Variants in COL25A1 observed in about 807,000 individuals in gnomAD.
COL25A1 encodes the protein collagen type XXV alpha 1 chain, also known as collagen alpha-1(XXV) chain.
In COL25A1, 103 loss-of-function variants were observed where a neutral mutation model predicts 128.4. The ratio of observed to expected loss-of-function variants is 0.80; its 90% CI spans 0.68 to 0.94. The LOEUF is 0.94. Among genes scored for constraint, COL25A1 ranks in the 40% least tolerant of loss-of-function variants. The probability of loss-of-function intolerance (pLI) is 0.00; values close to 1 mark genes in which losing one functional copy is unlikely to be tolerated. For missense variants in COL25A1, 745 were observed against 840.0 expected, an observed-to-expected ratio of 0.89 and a Z score of 1.40; for synonymous variants, 279 against 277.2, an observed-to-expected ratio of 1.01 and a Z score of -0.06.
intron 3 of COL25A1, among the ~76,000 whole-genome samples, chr4:109,202,578 T>A (rs1383087705): frequency 6.6e-6 from 1 of 152,048 alleles, no homozygotes; most frequent in Non-Finnish European, 1.5e-5. Context: ...GATACAAAAC[T>A]GAAAGCACTA....
At chr4:109,231,756 A>G (rs6817850) in intron 3 of COL25A1, among the ~76,000 whole-genome samples, 72,067 of 152,090 alleles carry the variant, frequency 0.47, 17,903 homozygotes, top group African/African-American at 0.57. Flanking sequence ...GGAAATGCGC[A>G]ACCTTGCAAT....
At chr4:108,961,959 TC>T (rs548753962) in intron 8 of COL25A1, among the ~76,000 whole-genome samples, 136 of 152,298 alleles carry the variant, frequency 8.9e-4, no homozygotes, top group African/African-American at 3.2e-3. Context: ...AGATTTTTCT[TC>T]CCCTGCCAAT....
At chr4:108,931,875 T>C (rs1289633525) in intron 11 of COL25A1, among the ~76,000 whole-genome samples, 1 of 152,206 alleles carries the variant, frequency 6.6e-6, no homozygotes, top group Non-Finnish European at 1.5e-5. Flanking sequence ...GCCATTTATA[T>C]GTACTTCATG....
At chr4:108,942,246 A>C in intron 8 of COL25A1, 9 of 1,550,310 alleles carry the variant, frequency 5.8e-6, no homozygotes, top group Non-Finnish European at 7.8e-6. Flanking sequence ...CAGGGCAGCA[A>C]CTGTGGGGAA....
At chr4:108,938,880 C>A (rs1471302463) in intron 10 of COL25A1, among the ~76,000 whole-genome samples, 1 of 152,076 alleles carries the variant, frequency 6.6e-6, no homozygotes, top group Non-Finnish European at 1.5e-5. Flanking sequence ...CTTTTTCTAG[C>A]AGTCATCATA....
intron 24 of COL25A1, among the ~76,000 whole-genome samples, chr4:108,858,513 G>C (rs1377428893): frequency 6.6e-6 from 1 of 152,114 alleles, no homozygotes; most frequent in Non-Finnish European, 1.5e-5. Context: ...CAGATTCATG[G>C]TATCACTAAC....
At chr4:108,851,950 A>G (rs1264253314) in intron 26 of COL25A1, among the ~76,000 whole-genome samples, 1 of 152,030 alleles carries the variant, frequency 6.6e-6, no homozygotes, top group African/African-American at 2.4e-5. Flanking sequence ...TGTTTTTTAC[A>G]TTTATAATTT....
intron 3 of COL25A1, among the ~76,000 whole-genome samples, chr4:109,275,728 G>A (rs180827019): frequency 1.6e-3 from 250 of 152,194 alleles, no homozygotes; most frequent in Middle Eastern, 6.8e-3. Context: ...TTGACCCCAG[G>A]CAAACTTAAA....
chr4:109,094,946 A>C (rs182507622), intron 3 of COL25A1, among the ~76,000 whole-genome samples: 1 of 152,344 alleles, frequency 6.6e-6, no homozygotes, highest in East Asian at 1.9e-4. Context: ...GCATTTGAAT[A>C]ATTGGTCTAC....
At chr4:109,234,407 C>A (rs1779340569) in intron 3 of COL25A1, among the ~76,000 whole-genome samples, 2 of 152,108 alleles carry the variant, frequency 1.3e-5, no homozygotes, top group South Asian at 4.1e-4. Context: ...ATGGCAATTT[C>A]TTCTCTGTTG....
At chr4:109,254,256 C>T (rs532649386) in intron 3 of COL25A1, among the ~76,000 whole-genome samples, 6 of 151,120 alleles carry the variant, frequency 4.0e-5, no homozygotes, top group Admixed American at 6.6e-5. Context: ...TGCCTCAGTA[C>T]TCAATTTGAT....
At chr4:109,203,463 A>G (rs1197287324) in intron 3 of COL25A1, among the ~76,000 whole-genome samples, 1 of 152,072 alleles carries the variant, frequency 6.6e-6, no homozygotes, top group Non-Finnish European at 1.5e-5. Flanking sequence ...AAAGAAGAAG[A>G]AATGGGACCC....
chr4:109,023,984 G>A (rs943815617), intron 5 of COL25A1, among the ~76,000 whole-genome samples: 3 of 152,150 alleles, frequency 2.0e-5, no homozygotes, highest in Non-Finnish European at 1.5e-5. Context: ...TTCAGGCCTA[G>A]CGGGCATTCT....
rs116508835 is a variant in COL25A1, at chr4:108,814,590, C to T, written c.1963-661G>A. 2.6e-3 allele frequency among the ~76,000 whole-genome samples: 393 copies of T among 152,332 alleles called. 1 individual carries two copies. The highest frequency in any genetic ancestry group is 9.1e-3 in the African/African-American group (380 of 41,584). ...CACAGATTTCTGCTTTCTCATCTCT[C>T]TCTCATAGCAGTCATAATAACTAAG... On this transcript the variant is annotated intron_variant, in intron 37 of 37. Coordinates refer to ENST00000399132, the MANE Select transcript of COL25A1 (RefSeq NM_198721.4).
chr4:109,257,130 C>T (rs1015501014), intron 3 of COL25A1, among the ~76,000 whole-genome samples: 2 of 152,122 alleles, frequency 1.3e-5, no homozygotes, highest in African/African-American at 4.8e-5. Flanking sequence ...TTATATCATT[C>T]ATAACATCTG....
At chr4:108,883,546 C>T (rs1740396109) in intron 19 of COL25A1, among the ~76,000 whole-genome samples, 1 of 152,048 alleles carries the variant, frequency 6.6e-6, no homozygotes, top group South Asian at 2.1e-4. Flanking sequence ...CAAAAAATTT[C>T]AAAACATTTT....
chr4:109,072,402 T>A (rs1342064226), intron 3 of COL25A1, among the ~76,000 whole-genome samples: 1 of 152,242 alleles, frequency 6.6e-6, no homozygotes, highest in Admixed American at 6.5e-5. Context: ...GTATTTTGTA[T>A]GGATGAGTTT....
chr4:109,222,475 T>C (rs770049212), intron 3 of COL25A1, among the ~76,000 whole-genome samples: 5 of 152,218 alleles, frequency 3.3e-5, no homozygotes, highest in Admixed American at 6.5e-5. Context: ...TATAGTCTTT[T>C]AGGCCCCTGG....
chr4:109,125,642 A>G (rs1768523516), intron 3 of COL25A1, among the ~76,000 whole-genome samples: 1 of 152,200 alleles, frequency 6.6e-6, no homozygotes, highest in Admixed American at 6.6e-5. Flanking sequence ...TTGATGGAAC[A>G]GTTATTTTAA....
Sources: gnomAD v4.1 joint callset for allele counts (sites outside exome capture counted in the v4.1 genomes callset) on GRCh38, gnomAD v4.1.1 for gene constraint, MANE v1.5 for transcripts, NCBI Gene and HGNC (gene_info 2026-07-23, HGNC 2026-07-21) for gene names.